EXOC6: variants seen among roughly 807,000 people sequenced by gnomAD.
The protein encoded by EXOC6 is exocyst complex component 6.
EXOC6 carries 60 observed loss-of-function variants against 112.5 expected under a neutral mutation model. That is an observed-to-expected ratio of 0.53 (90% CI 0.43 to 0.66). The LOEUF (loss-of-function observed/expected upper bound fraction) is 0.66. Among genes scored for constraint, EXOC6 ranks in the 30% least tolerant of loss-of-function variants. The probability of loss-of-function intolerance (pLI) is 0.00; values close to 1 mark genes in which losing one functional copy is unlikely to be tolerated. For synonymous variants in EXOC6, 295 were observed against 308.0 expected, an observed-to-expected ratio of 0.96 and a Z score of 0.44; for missense variants, 855 against 957.1, an observed-to-expected ratio of 0.89 and a Z score of 1.41.
At chr10:92,960,457 A>C (rs1191508986) in intron 17 of EXOC6, among the ~76,000 whole-genome samples, 5 of 152,124 alleles carry the variant, frequency 3.3e-5, no homozygotes, top group Non-Finnish European at 5.9e-5. Flanking sequence ...AACCCATAGA[A>C]TGTAAAACAC....
At chr10:92,920,423 G>A (rs2133908512) in intron 8 of EXOC6, among the ~76,000 whole-genome samples, 1 of 152,032 alleles carries the variant, frequency 6.6e-6, no homozygotes, top group South Asian at 2.1e-4. Flanking sequence ...GTTCACATAC[G>A]AAAAAACTTA....
chr10:92,834,734 G>A (rs369031521), exon 1 of EXOC6: 12 of 1,605,058 alleles, frequency 7.5e-6, no homozygotes, highest in South Asian at 3.3e-5. Flanking sequence ...GGGGCCTGTC[G>A]AGCGATGTTG....
At chr10:92,846,513 T>C (rs1589685651), upstream of EXOC6, among the ~76,000 whole-genome samples, 1 of 152,044 alleles carries the variant, frequency 6.6e-6, no homozygotes, top group African/African-American at 2.4e-5. Flanking sequence ...GAGGGGAAAA[T>C]AACCTTTTGA....
chr10:92,838,248 C>T lies in EXOC6; in HGVS notation c.86+3424C>T, dbSNP rs118089156. ...CTCAGACGTCATGAGTGGGTTGTGG[C>T]GACCAAGAGTCATTGTCAATGGCCT... On this transcript the variant is annotated intron_variant, in intron 1 of 21. Coordinates refer to the EXOC6 transcript ENST00000371552. Among the ~76,000 whole-genome samples, 142 of 152,280 alleles carry T rather than the reference C, an allele frequency of 9.3e-4. 2 individuals carry two copies. The East Asian group carries it at 0.024, about 25-fold the overall frequency.
At chr10:92,941,778 AC>A (rs1852680602) in intron 13 of EXOC6, among the ~76,000 whole-genome samples, 1 of 152,222 alleles carries the variant, frequency 6.6e-6, no homozygotes, top group African/African-American at 2.4e-5. Context: ...CAGGCCATGG[AC>A]AAAAGTATTT....
rs191372577 is a variant in EXOC6 at position 93,037,685 on chromosome 10, C to A, written c.2170-19239C>A. The stretch of plus-strand genomic sequence containing the variant: ...AAACTCCTGACATCAGGTGATCCGC[C>A]TGCCTTAGCCTCCCAAAGTGCTGGG... On this transcript the variant is annotated intron_variant, in intron 20 of 21. Coordinates refer to ENST00000260762, the MANE Select transcript of EXOC6 (RefSeq NM_019053.6). Among the ~76,000 whole-genome samples, 407 of 151,920 alleles carry A rather than the reference C, an allele frequency of 2.7e-3. 3 individuals carry two copies. Among genetic ancestry groups the A allele is most frequent in the African/African-American group, 9.4e-3 (392 of 41,522 alleles).
rs566041315 is a variant in EXOC6, at chr10:92,962,759, G to A, written c.1773+7045G>A. 7.2e-5 allele frequency among the ~76,000 whole-genome samples: 11 copies of A among 152,238 alleles called. No individual in the cohort carries two copies. In the South Asian group the frequency reaches 2.3e-3, roughly 32 times the overall value. On this transcript the variant is annotated intron_variant, in intron 17 of 21. Coordinates refer to ENST00000260762, the MANE Select transcript of EXOC6 (RefSeq NM_019053.6). ...GATATGGAATGGTTCTTGACCACTA[G>A]GATTCTTTTAATCTAGAAGAGCAGA...
At chr10:93,053,434 T>C (rs747440766) in intron 20 of EXOC6, among the ~76,000 whole-genome samples, 16 of 152,232 alleles carry the variant, frequency 1.1e-4, no homozygotes, top group Non-Finnish European at 1.9e-4. Flanking sequence ...AGGAGACTGA[T>C]AGACAATTCA....
At chr10:92,907,443 A>G (rs1850508875) in intron 5 of EXOC6, among the ~76,000 whole-genome samples, 1 of 152,130 alleles carries the variant, frequency 6.6e-6, no homozygotes, top group Non-Finnish European at 1.5e-5. Flanking sequence ...GCCTCTGATG[A>G]TGTCTCATGG....
chr10:92,922,258 T>C (rs549356251), intron 8 of EXOC6, among the ~76,000 whole-genome samples: 2 of 152,286 alleles, frequency 1.3e-5, no homozygotes, highest in South Asian at 4.1e-4. Context: ...TAATTTCTTA[T>C]TATTGTTACA....
chr10:92,827,039 C>T (rs80051233), intron 1 of EXOC6, among the ~76,000 whole-genome samples: 1,527 of 152,234 alleles, frequency 0.01, 29 homozygotes, highest in African/African-American at 0.035. Flanking sequence ...GGATATGTGT[C>T]TGATTCATAA....
intron 21 of EXOC6, among the ~76,000 whole-genome samples, chr10:93,057,432 T>G (rs970553173): frequency 4.6e-5 from 7 of 152,024 alleles, no homozygotes; most frequent in African/African-American, 1.7e-4. Context: ...ATCTTAGCAT[T>G]ATGGACTTGG....
At chr10:92,960,244 A>C (rs926296993) in intron 17 of EXOC6, among the ~76,000 whole-genome samples, 4 of 152,216 alleles carry the variant, frequency 2.6e-5, no homozygotes, top group Non-Finnish European at 5.9e-5. Flanking sequence ...ATTAAGTGAA[A>C]GGAGCCAGTC....
At chr10:92,846,018 T>G (rs1178082436), upstream of EXOC6, among the ~76,000 whole-genome samples, 1 of 152,208 alleles carries the variant, frequency 6.6e-6, no homozygotes, top group African/African-American at 2.4e-5. Context: ...AGCTAAAACC[T>G]CCAGGTACTC....
intron 19 of EXOC6, among the ~76,000 whole-genome samples, chr10:92,998,969 T>C (rs915191549): frequency 2.0e-5 from 3 of 152,134 alleles, no homozygotes; most frequent in Non-Finnish European, 4.4e-5. Context: ...CCTTCTGGAT[T>C]CAAGCGATTC....
intron 1 of EXOC6, among the ~76,000 whole-genome samples, chr10:92,838,554 T>C (rs1846734033): frequency 6.6e-6 from 1 of 152,244 alleles, no homozygotes; most frequent in East Asian, 1.9e-4. Context: ...GCTGAGACTC[T>C]ATACTTTTCC....
intron 1 of EXOC6, among the ~76,000 whole-genome samples, chr10:92,836,601 A>C (rs1489943604): frequency 1.3e-5 from 2 of 152,220 alleles, no homozygotes; most frequent in Non-Finnish European, 2.9e-5. Context: ...TTTGGGGGGT[A>C]GAGTGAAGTT....
intron 1 of EXOC6, among the ~76,000 whole-genome samples, chr10:92,837,840 A>G (rs1252035834): frequency 6.6e-6 from 1 of 152,234 alleles, no homozygotes; most frequent in Non-Finnish European, 1.5e-5. Context: ...TTCCCAGGGA[A>G]AAGCTTACAC....
intron 20 of EXOC6, among the ~76,000 whole-genome samples, chr10:93,056,366 A>T (rs1237840941): frequency 6.6e-6 from 1 of 152,208 alleles, no homozygotes; most frequent in Non-Finnish European, 1.5e-5. Flanking sequence ...CCCTCATTTC[A>T]TAATACTACA....
Sources: gnomAD v4.1 joint callset for allele counts (sites outside exome capture counted in the v4.1 genomes callset) on GRCh38, gnomAD v4.1.1 for gene constraint, MANE v1.5 for transcripts, NCBI Gene and HGNC (gene_info 2026-07-23, HGNC 2026-07-21) for gene names.